NFYC: variants seen among roughly 807,000 people sequenced by gnomAD.
The protein encoded by NFYC is nuclear transcription factor Y subunit gamma, also known as CAAT box DNA-binding protein subunit C.
NFYC carries 25 observed loss-of-function variants against 53.1 expected under a neutral mutation model. The ratio of observed to expected loss-of-function variants is 0.47; its 90% confidence interval spans 0.34 to 0.66. The LOEUF (loss-of-function observed/expected upper bound fraction) is 0.66, where lower values mean the gene tolerates loss of function less well. Among genes scored for constraint, NFYC ranks in the 30% least tolerant of loss-of-function variants. The pLI is 0.01. For synonymous variants in NFYC, 145 were observed against 152.6 expected (o/e 0.95, Z 0.37); for missense variants, 260 against 422.7 (o/e 0.62, Z 3.38).
intron 1 of NFYC, among the ~76,000 whole-genome samples, chr1:40,716,312 A>T (rs573276349): frequency 1.3e-5 from 2 of 152,328 alleles, no homozygotes; most frequent in East Asian, 3.9e-4. Flanking sequence ...AACTGGGTGT[A>T]GACTCAGGGA....
chr1:40,713,865 A>G (rs1644026370), intron 1 of NFYC, among the ~76,000 whole-genome samples: 1 of 152,240 alleles, frequency 6.6e-6, no homozygotes, highest in Admixed American at 6.5e-5. Context: ...GAAGGAACAG[A>G]GAAAATGTGC....
chr1:40,738,538 G>GT (rs759064776), intron 1 of NFYC, among the ~76,000 whole-genome samples: 20 of 152,174 alleles, frequency 1.3e-4, no homozygotes, highest in Non-Finnish European at 2.5e-4. Context: ...CATATAAGAA[G>GT]TTAAAAGTCC....
intron 1 of NFYC, among the ~76,000 whole-genome samples, chr1:40,697,360 T>C (rs1290842115): frequency 6.6e-6 from 1 of 152,218 alleles, no homozygotes; most frequent in Non-Finnish European, 1.5e-5. Context: ...CCACTTGACA[T>C]GAAGTAACCT....
At chr1:40,766,545 T>G (rs959662718) in intron 7 of NFYC, 51 bp from the exon 8 acceptor site, 1 of 1,391,392 alleles carries the variant, frequency 7.2e-7, no homozygotes, top group Non-Finnish European at 1.0e-6. Flanking sequence ...TTTGCCTGTT[T>G]GAGATTATAC....
At chr1:40,751,869 A>AT (rs929909212) in intron 4 of NFYC, among the ~76,000 whole-genome samples, 1 of 152,196 alleles carries the variant, frequency 6.6e-6, no homozygotes. Flanking sequence ...GTCATCTTAA[A>AT]TGAGTTCTGG....
rs577451280 is a variant in NFYC at position 40,758,669 on chromosome 1, A to G, written c.561+375A>G. ...TGAGAAGTGGAATTTGTGCCCTTAA[A>G]GGGAGAGATTAGGTATCATTGCCAA... On this transcript the variant is annotated intron_variant, in intron 6 of 9. Transcript: ENST00000447388. Among the ~76,000 whole-genome samples the G allele has an allele frequency of 6.6e-5, 10 of 152,326 alleles. No individual in the cohort carries two copies. In the South Asian group the frequency reaches 1.0e-3, roughly 16 times the overall value.
At chr1:40,738,396 A>G (rs916067775) in intron 1 of NFYC, among the ~76,000 whole-genome samples, 1 of 152,220 alleles carries the variant, frequency 6.6e-6, no homozygotes, top group Admixed American at 6.5e-5. Flanking sequence ...GGGACTTTTA[A>G]TATAAGAATT....
chr1:40,721,104 A>G (rs1186743325), intron 1 of NFYC, among the ~76,000 whole-genome samples: 1 of 152,256 alleles, frequency 6.6e-6, no homozygotes. Context: ...GCAAGTGAAT[A>G]TGCTAATTAG....
intron 1 of NFYC, chr1:40,712,708 AAGGCTGGTGTGCC>A (rs1177261437): frequency 8.3e-6 from 1 of 120,448 alleles, no homozygotes; most frequent in Admixed American, 1.1e-4. Flanking sequence ...CTCTGTTGCC[AAGGCTGGTGTGCC>A]AGGCTGGAGT....
chr1:40,733,734 T>TA (rs1415360404), intron 1 of NFYC, among the ~76,000 whole-genome samples: 3 of 151,192 alleles, frequency 2.0e-5, no homozygotes, highest in Non-Finnish European at 3.0e-5. Flanking sequence ...AATGCCTATT[T>TA]AAAAATTTTT....
intron 4 of NFYC, among the ~76,000 whole-genome samples, chr1:40,749,892 T>A (rs1385431090): frequency 1.3e-5 from 2 of 152,228 alleles, no homozygotes; most frequent in African/African-American, 4.8e-5. Flanking sequence ...CTTCTAGCCA[T>A]GGTGATTGTG....
intron 1 of NFYC, among the ~76,000 whole-genome samples, chr1:40,693,038 C>T (rs1245166664): frequency 6.6e-6 from 1 of 152,098 alleles, no homozygotes; most frequent in Non-Finnish European, 1.5e-5. Context: ...TTGTTAGGTT[C>T]CCCTTTAAGG....
Position 40,730,199 on chromosome 1 carries a change from T to C in NFYC, c.-8-8637T>C, listed in dbSNP as rs1221117569. On this transcript the variant is annotated intron_variant, in intron 1 of 9. Transcript: ENST00000447388. ...TGGCTAATTTTTCTTTCTTTTCTTT[T>C]TTTTTTTTTTTTTTTTTTGGTAGAG... 6.6e-5 allele frequency among the ~76,000 whole-genome samples: 9 copies of C among 136,944 alleles called. No individual in the cohort carries two copies. In the East Asian group the frequency reaches 1.5e-3, roughly 22 times the overall value. The allele number at this position is 136,944 out of a possible 152,430, so 89.8% of individuals were successfully genotyped here. A position where few individuals can be genotyped will look rare whatever the true frequency, so the allele number is the denominator to read the frequency against.
At position 40,747,185 on chromosome 1, in the gene NFYC, G is replaced by T. The variant is rs1386705867; in HGVS notation, c.106-349G>T. ...ATTTTAATCTGCATATTGCAGACTG[G>T]TAAACTTACTTGGAAAAAAAAAGAA... is the stretch of plus-strand genomic sequence containing the variant. On this transcript the variant is annotated intron_variant, in intron 2 of 9. Transcript: ENST00000447388. 5.0e-5 allele frequency among the ~76,000 whole-genome samples: 6 copies of T among 120,524 alleles called. No individual in the cohort carries two copies. In the East Asian group the frequency reaches 1.5e-3, roughly 30 times the overall value. 79.1% of individuals were successfully genotyped at this position (120,524 alleles called of 152,430 possible).
At chr1:40,755,837 C>G (rs777542257) in intron 5 of NFYC, among the ~76,000 whole-genome samples, 1 of 152,172 alleles carries the variant, frequency 6.6e-6, no homozygotes, top group Non-Finnish European at 1.5e-5. Flanking sequence ...TTGTCCTGCT[C>G]TCACAGCTTT....
chr1:40,747,639 G>T, intron 3 of NFYC, 34 bp downstream of exon 3: 1 of 1,404,172 alleles, frequency 7.1e-7, no homozygotes. Flanking sequence ...ATTTCTTATT[G>T]AAGCTAAGTG....
At chr1:40,757,532 T>A (rs746549029) in intron 5 of NFYC, among the ~76,000 whole-genome samples, 19 of 152,182 alleles carry the variant, frequency 1.2e-4, no homozygotes, top group Non-Finnish European at 2.2e-4. Flanking sequence ...TGACACTGGA[T>A]AGACATGCCC....
chr1:40,725,787 CT>C (rs1170133924), intron 1 of NFYC, among the ~76,000 whole-genome samples: 2 of 152,180 alleles, frequency 1.3e-5, no homozygotes, highest in Non-Finnish European at 2.9e-5. Flanking sequence ...TGTGATAGTG[CT>C]GCCACTAGGG....
At chr1:40,764,416 G>A (rs549572065) in intron 7 of NFYC, among the ~76,000 whole-genome samples, 2 of 152,182 alleles carry the variant, frequency 1.3e-5, no homozygotes, top group Non-Finnish European at 2.9e-5. Context: ...GTGTGCTTAC[G>A]ATACCCAGGA....
Sources: allele counts gnomAD v4.1 joint callset (sites outside exome capture counted in the v4.1 genomes callset), GRCh38; gene constraint gnomAD v4.1.1; transcripts MANE v1.5; gene names NCBI Gene and HGNC (gene_info 2026-07-23, HGNC 2026-07-21).